The following PLCB1 variants were observed in gnomAD, a reference collection of about 807,000 sequenced individuals.
PLCB1 encodes the protein phospholipase C beta 1.
A neutral mutation model predicts 161.8 loss-of-function variants in PLCB1; 46 were observed. That is an observed-to-expected ratio of 0.28 (90% CI 0.22 to 0.36). The LOEUF is 0.36. Among genes scored for constraint, PLCB1 ranks in the 10% least tolerant of loss-of-function variants. PLCB1 has a pLI of 1.00. For synonymous variants in PLCB1, 517 were observed against 503.7 expected, an observed-to-expected ratio of 1.03 and a Z score of -0.35; for missense variants, 1,016 against 1,472.5, an observed-to-expected ratio of 0.69 and a Z score of 5.07.
chr20:8,328,534 A>G (rs1428833688), intron 2 of PLCB1, among the ~76,000 whole-genome samples: 1 of 151,500 alleles, frequency 6.6e-6, no homozygotes, highest in African/African-American at 2.4e-5. Context: ...GTTATCCTGC[A>G]TCATTTCTGT....
At chr20:8,403,023 G>A (rs1978633183) in intron 3 of PLCB1, among the ~76,000 whole-genome samples, 1 of 151,586 alleles carries the variant, frequency 6.6e-6, no homozygotes, top group Admixed American at 6.6e-5. Context: ...CTTTGCAGTT[G>A]GGCAAAAATT....
At chr20:8,741,430 G>A (rs1315413058) in intron 22 of PLCB1, 34 bp from the exon 23 acceptor site, 2 of 1,415,164 alleles carry the variant, frequency 1.4e-6, no homozygotes, top group Non-Finnish European at 2.0e-6. Flanking sequence ...ATACTTCCAG[G>A]ACCTTTGATC....
intron 23 of PLCB1, among the ~76,000 whole-genome samples, chr20:8,746,017 G>A (rs6056054): frequency 0.26 from 39,661 of 151,884 alleles, 5,304 homozygotes; most frequent in Middle Eastern, 0.37. Context: ...CTGCAGCCTC[G>A]GCCTCCCGGG....
At chr20:8,220,097 T>C (rs1387137740) in intron 2 of PLCB1, among the ~76,000 whole-genome samples, 5 of 152,216 alleles carry the variant, frequency 3.3e-5, no homozygotes, top group Non-Finnish European at 7.3e-5. Context: ...TTATACATTC[T>C]AGATTCTACT....
chr20:8,748,870 A>G (rs536306119), intron 23 of PLCB1, among the ~76,000 whole-genome samples: 141 of 152,322 alleles, frequency 9.3e-4, no homozygotes, highest in African/African-American at 3.1e-3. Context: ...GGATATGTCT[A>G]TTTGTTCCCT....
intron 2 of PLCB1, among the ~76,000 whole-genome samples, chr20:8,272,153 C>T (rs1475418235): frequency 6.6e-6 from 1 of 151,608 alleles, no homozygotes; most frequent in East Asian, 2.0e-4. Flanking sequence ...AAAAACTGGA[C>T]CCTTTAAGAA....
intron 2 of PLCB1, among the ~76,000 whole-genome samples, chr20:8,267,242 G>T (rs1234302758): frequency 6.6e-6 from 1 of 151,516 alleles, no homozygotes; most frequent in Non-Finnish European, 1.5e-5. Flanking sequence ...CCTTGGGCTG[G>T]TGATTCTCCA....
chr20:8,262,813 G>T (rs1339509338), intron 2 of PLCB1, among the ~76,000 whole-genome samples: 1 of 152,118 alleles, frequency 6.6e-6, no homozygotes, highest in African/African-American at 2.4e-5. Context: ...CTGCCTTCTT[G>T]CTGTGTGTTC....
intron 31 of PLCB1, among the ~76,000 whole-genome samples, chr20:8,844,921 T>A (rs1216707426): frequency 2.0e-5 from 3 of 151,744 alleles, no homozygotes; most frequent in Non-Finnish European, 4.4e-5. Flanking sequence ...CCATCCTGGC[T>A]AACATGGTGA....
intron 9 of PLCB1, among the ~76,000 whole-genome samples, chr20:8,669,464 G>T (rs556508678): frequency 6.6e-6 from 1 of 152,342 alleles, no homozygotes; most frequent in South Asian, 2.1e-4. Flanking sequence ...AATGAGTTGA[G>T]AGGTAAGTCT....
chr20:8,169,221 G>A (rs1345841607), intron 2 of PLCB1, among the ~76,000 whole-genome samples: 1 of 152,130 alleles, frequency 6.6e-6, no homozygotes, highest in Admixed American at 6.6e-5. Context: ...TGGGCTGTAT[G>A]GAAGTTGTTC....
intron 3 of PLCB1, among the ~76,000 whole-genome samples, chr20:8,626,934 G>A (rs1988366654): frequency 6.6e-6 from 1 of 152,140 alleles, no homozygotes; most frequent in Non-Finnish European, 1.5e-5. Context: ...TAATGGTAGA[G>A]TGCTAAATGT....
chr20:8,787,411 A>C lies in PLCB1; in HGVS notation c.3112-1038A>C, dbSNP rs184811431. On this transcript the variant is annotated intron_variant, in intron 27 of 31. Transcript: ENST00000338037. The stretch of plus-strand genomic sequence containing the variant: ...GGCTGTCTCAAAAGTTTGTGGTATT[A>C]TGATTTGTCTTGTCACTATTACAGC... 2.2e-3 allele frequency among the ~76,000 whole-genome samples: 341 copies of C among 152,306 alleles called. 2 individuals carry two copies. Among genetic ancestry groups the C allele is most frequent in the Admixed American group, 0.02 (302 of 15,296 alleles).
At chr20:8,715,813 T>C (rs1979276234) in intron 12 of PLCB1, 1 of 154,590 alleles carries the variant, frequency 6.5e-6, no homozygotes, top group Non-Finnish European at 1.4e-5. Flanking sequence ...CCATCCTTCC[T>C]TATCTATCCT....
chr20:8,262,931 C>G (rs1233623331), intron 2 of PLCB1, among the ~76,000 whole-genome samples: 1 of 152,182 alleles, frequency 6.6e-6, no homozygotes, highest in African/African-American at 2.4e-5. Context: ...ATGAGGGTCC[C>G]CCTCTGATGA....
chr20:8,374,404 C>T (rs1987004898), intron 3 of PLCB1, among the ~76,000 whole-genome samples: 1 of 152,186 alleles, frequency 6.6e-6, no homozygotes. Flanking sequence ...AAACTACCAT[C>T]TTGGGAAGTT....
At position 8,658,565 on chromosome 20, in the gene PLCB1, C is replaced by T. The variant is rs781550034; in HGVS notation, c.723C>T (p.Thr241=). 1.3e-5 allele frequency: 21 copies of T among 1,609,316 alleles called. No homozygotes were observed. Among genetic ancestry groups the T allele is most frequent in the Non-Finnish European group, 1.4e-5 (16 of 1,178,092 alleles). The change falls in exon 9 of 32, where the codon ACC becomes ACT. Residue 241 remains threonine (T), a synonymous_variant. Transcript: ENST00000338037. ...GTGCAAAAAGCAAACCATATCTTACCGTTGATCAGATGATGGATTTTATCA... is the reference window on the plus strand; with the variant it reads ...GTGCAAAAAGCAAACCATATCTTACTGTTGATCAGATGATGGATTTTATCA... The part of the protein sequence containing the change: ...EFGAKSKPYL[T]VDQMMDFINL...
intron 19 of PLCB1, among the ~76,000 whole-genome samples, chr20:8,734,583 C>T (rs961922065): frequency 1.3e-5 from 2 of 151,770 alleles, no homozygotes; most frequent in African/African-American, 4.8e-5. Flanking sequence ...TATACACATA[C>T]ATATGTATAT....
At chr20:8,441,972 T>C (rs1232744) in intron 3 of PLCB1, among the ~76,000 whole-genome samples, 54,189 of 152,054 alleles carry the variant, frequency 0.36, 9,850 homozygotes, top group South Asian at 0.49. Context: ...TTGTTCTAGT[T>C]CTGACTTCAG....
Sources: allele counts gnomAD v4.1 joint callset (sites outside exome capture counted in the v4.1 genomes callset), GRCh38; gene constraint gnomAD v4.1.1; transcripts MANE v1.5; gene names NCBI Gene and HGNC (gene_info 2026-07-23, HGNC 2026-07-21).